The following GLI3 variants were observed in gnomAD, a reference collection of about 807,000 sequenced individuals.
GLI3 encodes the protein transcription activator GLI3.
In GLI3, 20 loss-of-function variants were observed where a neutral mutation model predicts 100.8. That is an observed-to-expected ratio of 0.20 (90% CI 0.14 to 0.29). The LOEUF (loss-of-function observed/expected upper bound fraction) is 0.29, where lower values mean the gene tolerates loss of function less well. Among genes scored for constraint, GLI3 ranks in the 10% least tolerant of loss-of-function variants. The pLI is 1.00. For synonymous variants in GLI3, 938 were observed against 860.5 expected, an observed-to-expected ratio of 1.09 and a Z score of -1.58; for missense variants, 2,040 against 2,128.5, an observed-to-expected ratio of 0.96 and a Z score of 0.82.
intron 1 of GLI3, among the ~76,000 whole-genome samples, chr7:42,256,876 T>C (rs187253739): frequency 3.2e-4 from 49 of 152,310 alleles, no homozygotes; most frequent in African/African-American, 1.1e-3. Context: ...CCAAAAGCTG[T>C]TATATTATTT....
At chr7:42,048,762 G>C (rs7806570) in intron 4 of GLI3, 66 bp from the exon 5 acceptor site, 5 of 1,037,912 alleles carry the variant, frequency 4.8e-6, no homozygotes, top group Non-Finnish European at 7.4e-6. Context: ...GGCAGAGGCT[G>C]TCTCTGAAAG....
chr7:42,225,173 T>C (rs1788559378), intron 1 of GLI3, among the ~76,000 whole-genome samples: 2 of 152,198 alleles, frequency 1.3e-5, no homozygotes, highest in African/African-American at 2.4e-5. Context: ...TCCAATACAA[T>C]TGGCATCATT....
intron 3 of GLI3, among the ~76,000 whole-genome samples, chr7:42,111,288 G>C (rs1295596579): frequency 6.6e-6 from 1 of 152,202 alleles, no homozygotes; most frequent in Non-Finnish European, 1.5e-5. Context: ...GCGAACTACA[G>C]CATAAGATCT....
At chr7:42,117,326 G>A (rs945017203) in intron 3 of GLI3, among the ~76,000 whole-genome samples, 10 of 152,148 alleles carry the variant, frequency 6.6e-5, no homozygotes, top group Admixed American at 1.3e-4. Context: ...CACCACCTAG[G>A]TGCACCCTTA....
At chr7:42,190,230 T>A (rs1787800368) in intron 2 of GLI3, among the ~76,000 whole-genome samples, 1 of 151,642 alleles carries the variant, frequency 6.6e-6, no homozygotes, top group Non-Finnish European at 1.5e-5. Flanking sequence ...TAAGTTATGA[T>A]CTGGAAAAAA....
intron 10 of GLI3, among the ~76,000 whole-genome samples, chr7:42,013,296 G>A (rs755211966): frequency 2.2e-4 from 34 of 152,106 alleles, no homozygotes; most frequent in Non-Finnish European, 4.6e-4. Flanking sequence ...ATCCTGCCCT[G>A]ATTGGAAGAA....
intron 3 of GLI3, among the ~76,000 whole-genome samples, chr7:42,135,198 A>C (rs773635646): frequency 2.0e-5 from 3 of 152,188 alleles, no homozygotes; most frequent in Non-Finnish European, 4.4e-5. Flanking sequence ...CTTTTATTCT[A>C]CTGTGTGTGG....
At chr7:42,162,010 C>T (rs184815432) in intron 2 of GLI3, among the ~76,000 whole-genome samples, 2 of 152,296 alleles carry the variant, frequency 1.3e-5, no homozygotes, top group African/African-American at 4.8e-5. Flanking sequence ...CAGCATGAAC[C>T]CTGACCTTCT....
chr7:42,148,010 C>A (rs928476947), intron 3 of GLI3, among the ~76,000 whole-genome samples: 1 of 152,068 alleles, frequency 6.6e-6, no homozygotes, highest in Non-Finnish European at 1.5e-5. Context: ...ACTGATGTTG[C>A]TTAGAGACGT....
intron 3 of GLI3, among the ~76,000 whole-genome samples, chr7:42,087,269 C>T (rs1014349391): frequency 3.3e-5 from 5 of 152,206 alleles, no homozygotes; most frequent in Non-Finnish European, 7.3e-5. Context: ...TGGGCTGTCT[C>T]CTCTTTGGAA....
chr7:42,154,319 A>G (rs998368376), intron 2 of GLI3, among the ~76,000 whole-genome samples: 1 of 152,048 alleles, frequency 6.6e-6, no homozygotes, highest in Admixed American at 6.5e-5. Flanking sequence ...TCAGCACTGC[A>G]CACCCTCTCC....
chr7:42,245,716 A>T (rs1788964218), intron 1 of GLI3, among the ~76,000 whole-genome samples: 1 of 152,036 alleles, frequency 6.6e-6, no homozygotes, highest in South Asian at 2.1e-4. Flanking sequence ...AAACAAAAAG[A>T]TGTATCTTAT....
rs1191673892 is a variant in GLI3 at position 41,977,248 on chromosome 7, G to A, written c.1812+310C>T. ...GGATTCCTGCTATTTTGGGCAGCGT[G>A]ACTGGCTCAGATTCCAAGTCAAATG... On this transcript the variant is annotated intron_variant, in intron 12 of 14. Transcript: ENST00000395925. Among the ~76,000 whole-genome samples the A allele has an allele frequency of 2.6e-5, 4 of 152,234 alleles. No homozygotes were observed. The East Asian group carries it at 7.7e-4, about 29-fold the overall frequency.
At position 41,965,530 on chromosome 7, in the gene GLI3, C is replaced by A. The variant is rs1052830686; in HGVS notation, c.3543G>T (p.Pro1181=). The A allele has an allele frequency of 2.5e-6, 4 of 1,605,476 alleles. No individual in the cohort carries two copies. In the African/African-American group the frequency reaches 5.4e-5, roughly 21 times the overall value. ...DLSSSKLKCG[P]RPAVPQTRAF... The stretch of plus-strand genomic sequence containing the variant: ...CGCGAGTCTGCGGCACAGCGGGCCG[C>A]GGCCCACACTTGAGCTTGGAGGAGG... The change falls in exon 15 of 15, where the codon CCG becomes CCT. Residue 1181 remains proline, a synonymous_variant. Coordinates refer to ENST00000395925, the MANE Select transcript of GLI3 (RefSeq NM_000168.6).
In GLI3 at chr7:42,026,352, G is replaced by A; in HGVS notation, c.1089C>T (p.Ile363=). The A allele has an allele frequency of 1.2e-6, 2 of 1,614,212 alleles. No individual in the cohort carries two copies. Among genetic ancestry groups the A allele is most frequent in the Non-Finnish European group, 1.7e-6 (2 of 1,180,030 alleles). The change falls in exon 8 of 15, where the codon ATC becomes ATT. Residue 363 remains isoleucine (I), a synonymous_variant. Coordinates refer to ENST00000395925, the MANE Select transcript of GLI3 (RefSeq NM_000168.6). The part of the protein sequence containing the change: ...APVSLHMHQQ[I]LSRQQSLGSA... Reference sequence around the variant, plus strand: ...AACCTAAGCTCTGTTGTCGGCTTAGGATCTGCTGATGCATGTGGAGAGAGA... The same window carrying A: ...AACCTAAGCTCTGTTGTCGGCTTAGAATCTGCTGATGCATGTGGAGAGAGA...
intron 2 of GLI3, among the ~76,000 whole-genome samples, chr7:42,165,902 C>A (rs13244381): frequency 6.6e-6 from 1 of 152,122 alleles, no homozygotes; most frequent in South Asian, 2.1e-4. Flanking sequence ...ATCCAAAAAT[C>A]GCATATATTA....
chr7:41,965,620 G>A lies in GLI3; in HGVS notation c.3453C>T (p.Pro1151=), dbSNP rs749508811. 1.9e-6 allele frequency: 3 copies of A among 1,608,748 alleles called. No individual in the cohort carries two copies. Among genetic ancestry groups the A allele is most frequent in the Non-Finnish European group, 2.6e-6 (3 of 1,175,818 alleles). The change falls in exon 15 of 15, where the codon CCC becomes CCT. Residue 1151 remains proline (P), a synonymous_variant. Coordinates refer to ENST00000395925, the MANE Select transcript of GLI3 (RefSeq NM_000168.6). ...TGGGCAGGTCGGTTTTGCTGCCCTC[G>A]GGGCAGGGCTGCTCGAGGGCATGGA... ...QQFHALEQPC[P]EGSKTDLPIQ... is the part of the protein sequence containing the mutation.
At chr7:42,212,315 C>T (rs1490746188) in intron 2 of GLI3, among the ~76,000 whole-genome samples, 2 of 152,134 alleles carry the variant, frequency 1.3e-5, no homozygotes, top group Non-Finnish European at 2.9e-5. Context: ...TCCTGAATGT[C>T]CAAGTTAATA....
At chr7:42,153,067 G>A (rs552019133) in intron 2 of GLI3, among the ~76,000 whole-genome samples, 4 of 152,270 alleles carry the variant, frequency 2.6e-5, no homozygotes, top group Middle Eastern at 3.4e-3. Flanking sequence ...TTCAAAAAGC[G>A]GAGAATGCCT....
Sources: allele counts gnomAD v4.1 joint callset (sites outside exome capture counted in the v4.1 genomes callset), GRCh38; gene constraint gnomAD v4.1.1; transcripts MANE v1.5; gene names NCBI Gene and HGNC (gene_info 2026-07-23, HGNC 2026-07-21).